The following SPAM1 variants were observed in gnomAD, a reference collection of about 807,000 sequenced individuals.
SPAM1 encodes sperm adhesion molecule 1, also known as hyaluronidase PH-20.
In SPAM1, 22 loss-of-function variants were observed where a neutral mutation model predicts 29.6. That is an observed-to-expected ratio of 0.74 (90% CI 0.53 to 1.06). The LOEUF (loss-of-function observed/expected upper bound fraction) is 1.06. Among genes scored for constraint, SPAM1 ranks in the 50% least tolerant of loss-of-function variants. SPAM1 has a pLI of 0.00. For synonymous variants in SPAM1, 194 were observed against 204.6 expected, an observed-to-expected ratio of 0.95 and a Z score of 0.44; for missense variants, 534 against 604.0, an observed-to-expected ratio of 0.88 and a Z score of 1.21.
chr7:123,940,947 T>G (rs947245290), intron 1 of SPAM1, among the ~76,000 whole-genome samples: 7 of 152,240 alleles, frequency 4.6e-5, no homozygotes, highest in Admixed American at 1.3e-4. Flanking sequence ...AATTCATGTT[T>G]AATGATTGTG....
chr7:123,971,194 A>G (rs760426813), exon 7 of SPAM1: 3 of 152,220 alleles, frequency 2.0e-5, no homozygotes, highest in South Asian at 2.1e-4. Context: ...AAGCCTATCA[A>G]TTTTCTTCCA....
intron 1 of SPAM1, among the ~76,000 whole-genome samples, chr7:123,931,863 G>C (rs1563020925): frequency 6.6e-6 from 1 of 152,128 alleles, no homozygotes; most frequent in Non-Finnish European, 1.5e-5. Flanking sequence ...GATGAAAGGA[G>C]AATCTCATCT....
At chr7:123,939,149 G>T (rs1584950702) in intron 1 of SPAM1, among the ~76,000 whole-genome samples, 1 of 148,708 alleles carries the variant, frequency 6.7e-6, no homozygotes, top group Non-Finnish European at 1.5e-5. Context: ...GCAGTGGTGC[G>T]ATCTCGGCTC....
At chr7:123,970,960 G>A (rs1416089785) in intron 6 of SPAM1, 1 of 151,872 alleles carries the variant, frequency 6.6e-6, no homozygotes. Context: ...ATCCATATAT[G>A]TTTCTGTTTA....
chr7:123,953,818 C>G lies in SPAM1; in HGVS notation c.248C>G (p.Ala83Gly), dbSNP rs139452878. The change falls in exon 3 of 5, where the codon GCC becomes GGC. Residue 83 changes from alanine (A) to glycine (G), a missense_variant. Transcript: ENST00000682466. ...TTCATAGGAAGCCCCCGAATAAACGCCACCGGGCAAGGTGTTACAATATTT... is the reference window on the plus strand; with the variant it reads ...TTCATAGGAAGCCCCCGAATAAACGGCACCGGGCAAGGTGTTACAATATTT... ...FSFIGSPRINATGQGVTIFYV... is the reference protein window; with the variant it reads ...FSFIGSPRINGTGQGVTIFYV... The G allele has an allele frequency of 1.1e-5, 17 of 1,612,996 alleles. No individual in the cohort carries two copies. The African/African-American group carries it at 2.3e-4, about 22-fold the overall frequency.
At chr7:123,956,910 T>C (rs1792259512) in intron 4 of SPAM1, among the ~76,000 whole-genome samples, 1 of 151,970 alleles carries the variant, frequency 6.6e-6, no homozygotes, top group South Asian at 2.1e-4. Context: ...TATATACAAA[T>C]GATAAGAACC....
At chr7:123,939,594 G>C (rs1808365090) in intron 1 of SPAM1, among the ~76,000 whole-genome samples, 1 of 152,070 alleles carries the variant, frequency 6.6e-6, no homozygotes, top group South Asian at 2.1e-4. Context: ...CATCAAATTC[G>C]TTTAGTTAAT....
chr7:123,943,886 G>C (rs1808498463), intron 1 of SPAM1, among the ~76,000 whole-genome samples: 1 of 152,146 alleles, frequency 6.6e-6, no homozygotes, highest in Non-Finnish European at 1.5e-5. Context: ...AATGAAGTCA[G>C]TTAAATATGT....
chr7:123,941,001 A>G (rs938582192), intron 1 of SPAM1, among the ~76,000 whole-genome samples: 4 of 152,222 alleles, frequency 2.6e-5, no homozygotes, highest in African/African-American at 9.6e-5. Flanking sequence ...TTACACCATT[A>G]CAATAGGACA....
intron 1 of SPAM1, among the ~76,000 whole-genome samples, chr7:123,937,722 A>G (rs1358352139): frequency 6.6e-6 from 1 of 152,018 alleles, no homozygotes; most frequent in Non-Finnish European, 1.5e-5. Flanking sequence ...ATGCTTAAAG[A>G]TTGAATAATT....
At chr7:123,931,423 T>C (rs1300057083) in intron 1 of SPAM1, among the ~76,000 whole-genome samples, 1 of 152,188 alleles carries the variant, frequency 6.6e-6, no homozygotes, top group East Asian at 1.9e-4. Context: ...CCAGAGAGGT[T>C]CCTGTCCCAT....
exon 7 of SPAM1, chr7:123,971,189 T>A (rs1394986167): frequency 6.6e-6 from 1 of 152,110 alleles, no homozygotes; most frequent in African/African-American, 2.4e-5. Flanking sequence ...TGATGAAGCC[T>A]ATCAATTTTC....
At chr7:123,938,932 C>T (rs1328507079) in intron 1 of SPAM1, among the ~76,000 whole-genome samples, 2 of 152,056 alleles carry the variant, frequency 1.3e-5, no homozygotes, top group Non-Finnish European at 1.5e-5. Context: ...GGGATTGGTC[C>T]TAGGTTTTTT....
intron 6 of SPAM1, among the ~76,000 whole-genome samples, chr7:123,970,692 A>T (rs925618695): frequency 1.3e-5 from 2 of 151,438 alleles, no homozygotes; most frequent in Non-Finnish European, 2.9e-5. Context: ...AGTCCATAAC[A>T]AAATCAGTAC....
intron 2 of SPAM1, among the ~76,000 whole-genome samples, chr7:123,951,895 T>C (rs1808780934): frequency 1.3e-5 from 2 of 152,136 alleles, no homozygotes; most frequent in South Asian, 4.1e-4. Flanking sequence ...GTGCTCGGAT[T>C]ACAGGCATGA....
chr7:123,952,911 G>A (rs1792148143), intron 2 of SPAM1, among the ~76,000 whole-genome samples: 3 of 146,686 alleles, frequency 2.0e-5, no homozygotes, highest in Admixed American at 6.8e-5. Flanking sequence ...AAAAAAAAGT[G>A]AAAAAAGAGA....
chr7:123,960,000 T>C lies in SPAM1; in HGVS notation c.*31T>C, dbSNP rs1356993986. On this transcript the variant is annotated 3_prime_UTR_variant, in exon 5 of 5. Transcript: ENST00000682466. Reference sequence around the variant, plus strand: ...CAGGTTAGCTGAAATGAACAATATGTCCATCTTAAAGTGTGCTTTTTCGAC... The same window carrying C: ...CAGGTTAGCTGAAATGAACAATATGCCCATCTTAAAGTGTGCTTTTTCGAC... The C allele has an allele frequency of 6.4e-7, 1 of 1,568,482 alleles. No individual in the cohort carries two copies. The highest frequency in any genetic ancestry group is 1.2e-5 in the South Asian group (1 of 82,738).
intron 1 of SPAM1, among the ~76,000 whole-genome samples, chr7:123,949,411 T>C (rs1338608415): frequency 6.6e-6 from 1 of 152,180 alleles, no homozygotes; most frequent in Non-Finnish European, 1.5e-5. Flanking sequence ...CATGTTTTTG[T>C]ATACTTCAAC....
chr7:123,961,590 T>C (rs1034942373), downstream of SPAM1, among the ~76,000 whole-genome samples: 13 of 151,974 alleles, frequency 8.6e-5, no homozygotes, highest in Non-Finnish European at 1.9e-4. Flanking sequence ...TTAGACTGAC[T>C]CCATACCTTG....
Sources: allele counts gnomAD v4.1 joint callset (sites outside exome capture counted in the v4.1 genomes callset), GRCh38; gene constraint gnomAD v4.1.1; transcripts MANE v1.5; gene names NCBI Gene and HGNC (gene_info 2026-07-23, HGNC 2026-07-21).